ARPP21: variants seen among roughly 807,000 people sequenced by gnomAD.
The protein encoded by ARPP21 is cAMP regulated phosphoprotein 21, also known as cAMP-regulated phosphoprotein 21.
Under a neutral mutation model 113.2 loss-of-function variants are expected in ARPP21, and 69 were observed. The ratio of observed to expected loss-of-function variants is 0.61; its 90% CI spans 0.50 to 0.74. The LOEUF (loss-of-function observed/expected upper bound fraction) is 0.74. Among genes scored for constraint, ARPP21 ranks in the 30% least tolerant of loss-of-function variants. The pLI is 0.00. For synonymous variants in ARPP21, 368 were observed against 375.5 expected (o/e 0.98, Z 0.23); for missense variants, 1,070 against 1,037.4 (o/e 1.03, Z -0.43).
At chr3:35,761,482 C>T (rs1419293002) in intron 19 of ARPP21, among the ~76,000 whole-genome samples, 1 of 152,076 alleles carries the variant, frequency 6.6e-6, no homozygotes, top group Non-Finnish European at 1.5e-5. Context: ...AGCCCTCCTG[C>T]ACCACCTCTG....
At chr3:35,672,243 T>C (rs1202335005) in intron 1 of ARPP21, among the ~76,000 whole-genome samples, 2 of 151,708 alleles carry the variant, frequency 1.3e-5, no homozygotes, top group Non-Finnish European at 2.9e-5. Context: ...CGGTATCCTA[T>C]CCAGAAGGCC....
rs1221729671 is a variant in ARPP21 at position 35,674,611 on chromosome 3, G to A, written c.-212-5176G>A. Among the ~76,000 whole-genome samples, 5 of 151,982 alleles carry A rather than the reference G, an allele frequency of 3.3e-5. No homozygotes were observed. The East Asian group carries it at 9.7e-4, about 30-fold the overall frequency. On this transcript the variant is annotated intron_variant, in intron 1 of 20. Transcript: ENST00000684406. Reference sequence around the variant, plus strand: ...TTCTATGTGGCTTTTGGAAAGATGGGCACTATGAGTTATAGGTGTGGAAGG... The same window carrying A: ...TTCTATGTGGCTTTTGGAAAGATGGACACTATGAGTTATAGGTGTGGAAGG...
At chr3:35,646,295 A>G (rs1427892215) in intron 1 of ARPP21, among the ~76,000 whole-genome samples, 1 of 152,110 alleles carries the variant, frequency 6.6e-6, no homozygotes, top group Admixed American at 6.5e-5. Context: ...TCCTCACAAA[A>G]AGTTCTAACA....
At chr3:35,793,583 A>G (rs1467351880) in intron 20 of ARPP21, 118 bp from the exon 21 acceptor site, 3 of 700,602 alleles carry the variant, frequency 4.3e-6, no homozygotes, top group Non-Finnish European at 7.7e-6. Context: ...CAGAGCTGGA[A>G]TTGATGACCT....
intron 19 of ARPP21, among the ~76,000 whole-genome samples, chr3:35,746,463 G>A (rs1206114857): frequency 6.6e-6 from 1 of 152,106 alleles, no homozygotes; most frequent in Non-Finnish European, 1.5e-5. Context: ...AACTGTATAA[G>A]TTATATTTTC....
intron 9 of ARPP21, among the ~76,000 whole-genome samples, chr3:35,700,602 A>C (rs2149834119): frequency 6.6e-6 from 1 of 151,852 alleles, no homozygotes; most frequent in Non-Finnish European, 1.5e-5. Context: ...GAAAACTTGC[A>C]AGAAATTAGT....
intron 15 of ARPP21, among the ~76,000 whole-genome samples, chr3:35,733,022 ATC>A (rs1487598528): frequency 1.3e-5 from 2 of 152,094 alleles, no homozygotes; most frequent in Non-Finnish European, 2.9e-5. Flanking sequence ...GGAAAAGAAA[ATC>A]TCTTTCTCTC....
chr3:35,647,645 A>T (rs868512452), intron 1 of ARPP21, among the ~76,000 whole-genome samples: 1 of 152,202 alleles, frequency 6.6e-6, no homozygotes. Context: ...ACTTACCTTC[A>T]TAAATATGCA....
intron 1 of ARPP21, chr3:35,641,808 T>C (rs1698172842): frequency 6.6e-6 from 1 of 152,200 alleles, no homozygotes; most frequent in Non-Finnish European, 1.5e-5. Context: ...TTTGGGTATA[T>C]GCTTTGAGGA....
At chr3:35,692,031 G>A (rs2082383728) in intron 9 of ARPP21, among the ~76,000 whole-genome samples, 1 of 151,514 alleles carries the variant, frequency 6.6e-6, no homozygotes, top group African/African-American at 2.4e-5. Context: ...CAGAGGTCGG[G>A]GGAAAGTCAT....
rs114290346 is a variant in ARPP21, at chr3:35,677,886, A to G, written c.-212-1901A>G. ...TCCTGGCACTGCTTTCTCAGCAAAG[A>G]GAACAATTTTAATCAGTTACAAAAA... On this transcript the variant is annotated intron_variant, in intron 1 of 20. Transcript: ENST00000684406. Among the ~76,000 whole-genome samples the G allele has an allele frequency of 3.7e-3, 564 of 152,100 alleles. 4 individuals are homozygous for G. The highest frequency in any genetic ancestry group is 0.013 in the African/African-American group (534 of 41,562).
intron 19 of ARPP21, among the ~76,000 whole-genome samples, chr3:35,789,629 T>A (rs2096706728): frequency 6.6e-6 from 1 of 152,266 alleles, no homozygotes; most frequent in African/African-American, 2.4e-5. Flanking sequence ...AACTGAATAT[T>A]AAAGTTCACA....
intron 9 of ARPP21, among the ~76,000 whole-genome samples, chr3:35,695,410 A>C (rs543299270): frequency 1.3e-5 from 2 of 151,684 alleles, no homozygotes; most frequent in African/African-American, 4.8e-5. Context: ...TCACACAAAA[A>C]ATTACAAGAT....
intron 19 of ARPP21, among the ~76,000 whole-genome samples, chr3:35,748,076 A>AAG (rs2095210339): frequency 8.6e-6 from 1 of 116,282 alleles, no homozygotes; most frequent in African/African-American, 3.5e-5. Context: ...GGAAGAAAGA[A>AAG]AGAAAGAAAG....
intron 1 of ARPP21, chr3:35,642,372 G>A (rs1698393503): frequency 6.6e-6 from 1 of 152,182 alleles, no homozygotes; most frequent in South Asian, 2.1e-4. Context: ...ACAGAGCAGT[G>A]CATGGTTATG....
At chr3:35,779,574 C>T (rs1371299717) in intron 19 of ARPP21, among the ~76,000 whole-genome samples, 1 of 134,026 alleles carries the variant, frequency 7.5e-6, no homozygotes, top group Admixed American at 7.1e-5. Context: ...TGAATGTAGG[C>T]TTAGTGAGGG....
At chr3:35,678,909 G>A (rs2078178060) in intron 1 of ARPP21, 1 of 151,968 alleles carries the variant, frequency 6.6e-6, no homozygotes, top group African/African-American at 2.4e-5. Flanking sequence ...TAGCGTTATA[G>A]GGAAAAGGAA....
chr3:35,706,433 G>T (rs2089085800), intron 9 of ARPP21, among the ~76,000 whole-genome samples: 1 of 152,144 alleles, frequency 6.6e-6, no homozygotes, highest in Admixed American at 6.5e-5. Flanking sequence ...CATGGTCAAG[G>T]GTGTCAGAGT....
At chr3:35,677,821 C>T (rs113301684) in intron 1 of ARPP21, among the ~76,000 whole-genome samples, 4,433 of 151,892 alleles carry the variant, frequency 0.029, 218 homozygotes, top group African/African-American at 0.099. Context: ...TGGAAGAGTC[C>T]GGTTAGTCTG....
Sources: gnomAD v4.1 joint callset for allele counts (sites outside exome capture counted in the v4.1 genomes callset) on GRCh38, gnomAD v4.1.1 for gene constraint, MANE v1.5 for transcripts, NCBI Gene and HGNC (gene_info 2026-07-23, HGNC 2026-07-21) for gene names.